ALMS1: variants seen among roughly 807,000 people sequenced by gnomAD.
The protein encoded by ALMS1 is centrosome-associated protein ALMS1.
Under a neutral mutation model 352.2 loss-of-function variants are expected in ALMS1, and 271 were observed. The ratio of observed to expected loss-of-function variants is 0.77; its 90% CI spans 0.70 to 0.85. ALMS1 has a LOEUF of 0.85. Ranked by LOEUF, ALMS1 falls within the 40% of genes least tolerant of loss-of-function variation. ALMS1 has a pLI of 0.00. For missense variants in ALMS1, 5,445 were observed against 4,870.7 expected (o/e 1.12, Z -3.51); for synonymous variants, 1,865 against 1,761.2 (o/e 1.06, Z -1.48).
intron 11 of ALMS1, among the ~76,000 whole-genome samples, chr2:73,528,740 G>A (rs1336817528): frequency 2.0e-5 from 3 of 151,578 alleles, no homozygotes; most frequent in East Asian, 1.9e-4. Context: ...TTTTATTTTA[G>A]ATTTGCCCTT....
chr2:73,400,155 A>G (rs370846751), intron 1 of ALMS1, among the ~76,000 whole-genome samples: 8 of 152,070 alleles, frequency 5.3e-5, no homozygotes, highest in South Asian at 2.1e-4. Flanking sequence ...TTTGTTGCCC[A>G]GGCTGGTCTC....
chr2:73,430,559 T>C (rs1430915974), intron 6 of ALMS1, among the ~76,000 whole-genome samples: 1 of 152,200 alleles, frequency 6.6e-6, no homozygotes, highest in Non-Finnish European at 1.5e-5. Context: ...TCATGCCACA[T>C]AATGATATTT....
At chr2:73,391,885 A>C (rs1017300813) in intron 1 of ALMS1, among the ~76,000 whole-genome samples, 4 of 152,166 alleles carry the variant, frequency 2.6e-5, no homozygotes, top group African/African-American at 4.8e-5. Flanking sequence ...ATCACCATTT[A>C]AACTATCTCT....
rs184505047 is a variant in ALMS1 at position 73,464,845 on chromosome 2, A to T, written c.7674+9550A>T. ...AAATCATGAGTGAACTCCCATTCAC[A>T]GTTGCTTCAAAGAGAGTAAAATACC... On this transcript the variant is annotated intron_variant, in intron 9 of 22. Transcript: ENST00000613296. Among the ~76,000 whole-genome samples the T allele has an allele frequency of 6.2e-4, 94 of 152,266 alleles. 1 individual carries two copies. The highest frequency in any genetic ancestry group is 1.1e-3 in the Non-Finnish European group (77 of 68,042).
intron 16 of ALMS1, among the ~76,000 whole-genome samples, chr2:73,581,916 T>C (rs1675189626): frequency 6.6e-6 from 1 of 152,172 alleles, no homozygotes; most frequent in African/African-American, 2.4e-5. Flanking sequence ...GGCTAATTTT[T>C]GTATTTTAGT....
intron 6 of ALMS1, among the ~76,000 whole-genome samples, chr2:73,428,846 CCTT>C (rs151195587): frequency 0.016 from 2,447 of 152,248 alleles, 63 homozygotes; most frequent in African/African-American, 0.055. Context: ...CTTGCTTACT[CCTT>C]GGTTTTTCCT....
In ALMS1 at chr2:73,573,426, T is replaced by C; in HGVS notation, c.11547+2T>C. ...CACACCAGAAGGAGACACATCCAGG[T>C]ACATGGCTACAGATTCCATCTGGCA... On this transcript the variant is annotated splice_donor_variant, in intron 16 of 22. Coordinates refer to ENST00000613296, the MANE Select transcript of ALMS1 (RefSeq NM_001378454.1). LOFTEE classifies it high-confidence loss of function. 6.2e-7 allele frequency: 1 copy of C among 1,613,924 alleles called. No individual in the cohort carries two copies. Among genetic ancestry groups the C allele is most frequent in the Non-Finnish European group, 8.5e-7 (1 of 1,179,924 alleles).
intron 1 of ALMS1, among the ~76,000 whole-genome samples, chr2:73,388,096 AAGG>A (rs1210826004): frequency 6.6e-6 from 1 of 152,094 alleles, no homozygotes; most frequent in Non-Finnish European, 1.5e-5. Context: ...TTGAAGATTG[AAGG>A]AGAAGGCTGG....
At position 73,449,851 on chromosome 2, in the gene ALMS1, A is replaced by G. The variant is rs780391682; in HGVS notation, c.3324A>G (p.Gln1108=). The G allele has an allele frequency of 5.0e-6, 8 of 1,613,974 alleles. No homozygotes were observed. The highest frequency in any genetic ancestry group is 2.2e-5 in the East Asian group (1 of 44,886). The stretch of plus-strand genomic sequence containing the variant: ...GAGAGAAGCCTGGTATTTTCTACCA[A>G]CAGACCTTGCCAGAGAGTCATCTGC... ...SQREKPGIFY[Q]QTLPESHLPK... The change falls in exon 8 of 23, where the codon CAA becomes CAG. Residue 1108 remains glutamine, a synonymous_variant. Coordinates refer to ENST00000613296, the MANE Select transcript of ALMS1 (RefSeq NM_001378454.1).
chr2:73,464,632 A>G (rs551475458), intron 9 of ALMS1, among the ~76,000 whole-genome samples: 69 of 152,268 alleles, frequency 4.5e-4, no homozygotes, highest in African/African-American at 1.4e-3. Context: ...AGGGTATTCA[A>G]TTAGGAAAAG....
In ALMS1 at chr2:73,408,754, C is replaced by A. The variant is rs775200355; in HGVS notation, c.450+7C>A. ...GGGTTCTGGGGATGATCAGGTATGT[C>A]TTCTGTAACTGGCTAACTTTTTTTT... On this transcript the variant is annotated splice_region_variant and intron_variant, in intron 2 of 22. Coordinates refer to ENST00000613296, the MANE Select transcript of ALMS1 (RefSeq NM_001378454.1). The A allele has an allele frequency of 1.1e-5, 17 of 1,591,974 alleles. No homozygotes were observed. In the South Asian group the frequency reaches 1.4e-4, roughly 13 times the overall value.
chr2:73,397,664 A>C (rs554716695), intron 1 of ALMS1, among the ~76,000 whole-genome samples: 1 of 152,010 alleles, frequency 6.6e-6, no homozygotes, highest in Non-Finnish European at 1.5e-5. Context: ...TAGAGATGGG[A>C]TTTCACCATG....
At chr2:73,459,234 G>A (rs983003718) in intron 9 of ALMS1, 2 of 152,138 alleles carry the variant, frequency 1.3e-5, no homozygotes, top group Non-Finnish European at 2.9e-5. Flanking sequence ...AGCCACAGAA[G>A]TGATGTGCTT....
rs2103794046 is a variant in ALMS1 at position 73,453,977 on chromosome 2, A to T, written c.7450A>T (p.Lys2484Ter). ...SSVDSLAAHV[K>*]NLLQCESSLN... ...TGTAGATTCACTGGCTGCACATGTG[A>T]AAAACCTTCTGCAATGTGAATCCTC... Residue 2484 changes from lysine to a stop codon, truncating the protein, a stop_gained, in exon 8 of 23, where the codon AAA (lysine) becomes TAA (stop). Coordinates refer to ENST00000613296, the MANE Select transcript of ALMS1 (RefSeq NM_001378454.1). LOFTEE classifies it high-confidence loss of function. The T allele has an allele frequency of 1.2e-6, 2 of 1,613,928 alleles. No homozygotes were observed. The highest frequency in any genetic ancestry group is 2.7e-5 in the African/African-American group (2 of 75,038).
chr2:73,563,155 A>C (rs1454727910), intron 15 of ALMS1, among the ~76,000 whole-genome samples: 1 of 151,978 alleles, frequency 6.6e-6, no homozygotes, highest in African/African-American at 2.4e-5. Context: ...ATGCTATATA[A>C]CAAACATATC....
intron 18 of ALMS1, 124 bp from the exon 19 acceptor site, chr2:73,601,071 C>T: frequency 1.3e-6 from 2 of 1,510,126 alleles, no homozygotes; most frequent in Non-Finnish European, 9.1e-7. Context: ...CTCAAGGGCA[C>T]CCTGTGGCCT....
chr2:73,461,064 CCT>C (rs1558654703), intron 9 of ALMS1, among the ~76,000 whole-genome samples: 1 of 152,214 alleles, frequency 6.6e-6, no homozygotes, highest in African/African-American at 2.4e-5. Flanking sequence ...CTTAAATGTC[CCT>C]GTCTGACAGC....
rs992600567 is a variant in ALMS1, at chr2:73,556,009, T to C, written c.10079-1211T>C. ...AAGAATTACAAAACATCCTTGATAT[T>C]GATAAACTGTAAATTTGGTGTAAAG... On this transcript the variant is annotated intron_variant, in intron 13 of 22. Transcript: ENST00000613296. Among the ~76,000 whole-genome samples the C allele has an allele frequency of 5.3e-5, 8 of 152,156 alleles. No individual in the cohort carries two copies. The East Asian group carries it at 5.8e-4, about 11-fold the overall frequency.
rs1572935708 is a variant in ALMS1 at position 73,451,270 on chromosome 2, C to G, written c.4743C>G (p.Tyr1581Ter). 1 of 1,613,902 alleles carries G rather than the reference C, an allele frequency of 6.2e-7. No homozygotes were observed. The highest frequency in any genetic ancestry group is 2.2e-5 in the East Asian group (1 of 44,896). ...TTGGAGAGAAGCCGATTGTTAACTA[C>G]AAACAGGCCTTTCCAGATGGTCATC... ...YSFGEKPIVN[Y>*]KQAFPDGHLP... Residue 1581 changes from tyrosine (Y) to a stop codon, truncating the protein, a stop_gained, in exon 8 of 23, where the codon TAC becomes TAG. Transcript: ENST00000613296. LOFTEE classifies it high-confidence loss of function.
Sources: allele counts gnomAD v4.1 joint callset (sites outside exome capture counted in the v4.1 genomes callset), GRCh38; gene constraint gnomAD v4.1.1; transcripts MANE v1.5; gene names NCBI Gene and HGNC (gene_info 2026-07-23, HGNC 2026-07-21).